The following CALD1 variants were observed in gnomAD, a reference collection of about 807,000 sequenced individuals.
CALD1 encodes caldesmon 1, also known as caldesmon.
In CALD1, 33 loss-of-function variants were observed where a neutral mutation model predicts 99.9. That is an observed-to-expected ratio of 0.33 (90% CI 0.25 to 0.44). The LOEUF (loss-of-function observed/expected upper bound fraction) is 0.44. Ranked by LOEUF, CALD1 falls within the 20% of genes least tolerant of loss-of-function variation. CALD1 has a pLI of 1.00. For missense variants in CALD1, 861 were observed against 962.1 expected (o/e 0.89, Z 1.39); for synonymous variants, 310 against 325.0 (o/e 0.95, Z 0.50).
intron 3 of CALD1, among the ~76,000 whole-genome samples, chr7:134,881,588 C>T: frequency 6.6e-6 from 1 of 152,194 alleles, no homozygotes; most frequent in East Asian, 1.9e-4. Context: ...GGTGATTACA[C>T]TGGATTCACT....
the CALD1 span, among the ~76,000 whole-genome samples, chr7:134,737,397 G>A: frequency 6.6e-6 from 1 of 151,906 alleles, no homozygotes; most frequent in Non-Finnish European, 1.5e-5. Context: ...CCAAAGTACT[G>A]GGATTACAGG....
chr7:134,956,180 T>C (rs530530937), intron 9 of CALD1, among the ~76,000 whole-genome samples: 5 of 152,156 alleles, frequency 3.3e-5, no homozygotes, highest in Non-Finnish European at 7.4e-5. Flanking sequence ...AAGAATGAAA[T>C]GCTCTTACTA....
chr7:134,802,913 A>T (rs1798000007), intron 1 of CALD1, among the ~76,000 whole-genome samples: 1 of 152,236 alleles, frequency 6.6e-6, no homozygotes, highest in Non-Finnish European at 1.5e-5. Flanking sequence ...GCTAAAACTG[A>T]GAAGTGGAAT....
intron 1 of CALD1, among the ~76,000 whole-genome samples, chr7:134,767,588 T>C (rs1796838702): frequency 6.6e-6 from 1 of 152,268 alleles, no homozygotes; most frequent in African/African-American, 2.4e-5. Context: ...GTGTGTTTTC[T>C]GGTTAGGAGG....
chr7:134,782,902 C>T (rs897137999), intron 1 of CALD1, among the ~76,000 whole-genome samples: 1 of 152,134 alleles, frequency 6.6e-6, no homozygotes, highest in Non-Finnish European at 1.5e-5. Context: ...TGGTCTATCC[C>T]AATGTTGTCT....
chr7:134,728,845 C>CT, the CALD1 span, among the ~76,000 whole-genome samples: 1,833 of 123,792 alleles, frequency 0.015, 50 homozygotes, highest in African/African-American at 0.04. Context: ...TATACCTTTT[C>CT]TTTTTTTTTT....
chr7:134,873,524 C>T (rs1801202725), intron 3 of CALD1, among the ~76,000 whole-genome samples: 1 of 152,206 alleles, frequency 6.6e-6, no homozygotes, highest in South Asian at 2.1e-4. Context: ...AAGTGCTAGA[C>T]ATTTTATGTG....
Position 134,947,497 on chromosome 7 carries a change from C to T in CALD1, c.1533-11C>T, listed in dbSNP as rs780231605. The T allele has an allele frequency of 1.3e-6, 2 of 1,565,758 alleles. No homozygotes were observed. The highest frequency in any genetic ancestry group is 1.7e-6 in the Non-Finnish European group (2 of 1,154,932). ...GCATGTAAACCCCTTTCCATTGCCC[C>T]CCAACCACAGCCGCCCTGGAGGGAG... On this transcript the variant is annotated splice_polypyrimidine_tract_variant and intron_variant, in intron 7 of 14. Coordinates refer to ENST00000361675, the MANE Select transcript of CALD1 (RefSeq NM_033138.4).
rs753306157 is a variant in CALD1, at chr7:134,933,059, T to C, written c.290T>C (p.Leu97Pro). 2.5e-6 allele frequency: 4 copies of C among 1,613,972 alleles called. No homozygotes were observed. The highest frequency in any genetic ancestry group is 3.4e-6 in the Non-Finnish European group (4 of 1,179,958). ...QVEGDDEAAF[L>P]ERLARREERR... The stretch of plus-strand genomic sequence containing the variant: ...GAAGGGGATGATGAGGCCGCATTCC[T>C]GGAGCGCCTGGCTCGGCGTGAGGAA... The change falls in exon 5 of 15, where the codon CTG becomes CCG. Residue 97 changes from leucine (L) to proline (P), a missense_variant. Coordinates refer to ENST00000361675, the MANE Select transcript of CALD1 (RefSeq NM_033138.4).
At chr7:134,961,108 C>T (rs2232894) in intron 13 of CALD1, 1 of 152,288 alleles carries the variant, frequency 6.6e-6, no homozygotes, top group Admixed American at 6.5e-5. Flanking sequence ...TATTGGGTAG[C>T]TGTTGAAATA....
chr7:134,909,819 G>A (rs192410408), intron 3 of CALD1, among the ~76,000 whole-genome samples: 48 of 152,298 alleles, frequency 3.2e-4, no homozygotes, highest in African/African-American at 1.2e-3. Context: ...ATGTTGGATA[G>A]GAGAAGAAAG....
chr7:134,851,346 AT>A (rs1586108345), intron 2 of CALD1, among the ~76,000 whole-genome samples: 2 of 152,186 alleles, frequency 1.3e-5, no homozygotes, highest in East Asian at 3.9e-4. Flanking sequence ...GAAGTGAAAT[AT>A]GAGTCACTTC....
chr7:134,784,023 C>T (rs974133322), intron 1 of CALD1, among the ~76,000 whole-genome samples: 1 of 152,110 alleles, frequency 6.6e-6, no homozygotes, highest in Non-Finnish European at 1.5e-5. Flanking sequence ...TAATAAAAGG[C>T]TTGCTAAGCA....
rs1807006156 is a variant in CALD1, at chr7:134,947,670, G to A, written c.1695G>A (p.Leu565=). The A allele has an allele frequency of 6.3e-7, 1 of 1,596,124 alleles. No individual in the cohort carries two copies. The highest frequency in any genetic ancestry group is 8.5e-7 in the Non-Finnish European group (1 of 1,170,442). Reference sequence around the variant, plus strand: ...AGCAGCAGGAGGCGGCTTTGGAGCTGGAGGAACTCAAGAAAAAGAGGGAGG... The same window carrying A: ...AGCAGCAGGAGGCGGCTTTGGAGCTAGAGGAACTCAAGAAAAAGAGGGAGG... The part of the protein sequence containing the change: ...KQKQQEAALE[L]EELKKKREER... Residue 565 remains leucine (L), a synonymous_variant, in exon 8 of 15, where the codon CTG becomes CTA. Transcript: ENST00000361675.
the CALD1 span, among the ~76,000 whole-genome samples, chr7:134,736,038 A>G: frequency 2.6e-5 from 4 of 152,204 alleles, no homozygotes; most frequent in Non-Finnish European, 5.9e-5. Context: ...CAATATTATT[A>G]AAGGAAACAT....
the CALD1 span, among the ~76,000 whole-genome samples, chr7:134,719,494 CA>C: frequency 6.6e-6 from 1 of 152,042 alleles, no homozygotes; most frequent in Non-Finnish European, 1.5e-5. Flanking sequence ...AATAAAGTAC[CA>C]ATCAGGCAAA....
intron 13 of CALD1, among the ~76,000 whole-genome samples, chr7:134,963,547 C>T (rs1563138375): frequency 1.3e-5 from 2 of 152,322 alleles, no homozygotes; most frequent in East Asian, 1.9e-4. Flanking sequence ...ATAAGCATTA[C>T]TATTTCAGTA....
At chr7:134,749,570 G>A (rs554689601) in intron 1 of CALD1, among the ~76,000 whole-genome samples, 69 of 152,254 alleles carry the variant, frequency 4.5e-4, no homozygotes, top group African/African-American at 1.5e-3. Context: ...CTAAGATCGC[G>A]CCATTACACT....
At chr7:134,939,737 C>A (rs1453449536) in intron 6 of CALD1, among the ~76,000 whole-genome samples, 1 of 152,016 alleles carries the variant, frequency 6.6e-6, no homozygotes, top group Non-Finnish European at 1.5e-5. Context: ...CCGAGGTGGG[C>A]AGATCACTTG....
Sources: gnomAD v4.1 joint callset for allele counts (sites outside exome capture counted in the v4.1 genomes callset) on GRCh38, gnomAD v4.1.1 for gene constraint, MANE v1.5 for transcripts, NCBI Gene and HGNC (gene_info 2026-07-23, HGNC 2026-07-21) for gene names.